Variants in ZNF385D observed in about 807,000 individuals in gnomAD.
The protein encoded by ZNF385D is zinc finger protein 385D.
Under a neutral mutation model 35.8 loss-of-function variants are expected in ZNF385D, and 15 were observed. The observed-to-expected ratio is 0.42, with a 90% CI of 0.28 to 0.64. ZNF385D has a LOEUF of 0.64. ZNF385D is among the 30% of genes least tolerant of loss of function. The pLI, the probability that ZNF385D is intolerant of heterozygous loss-of-function variation, is 0.23. For synonymous variants in ZNF385D, 212 were observed against 186.8 expected (o/e 1.13, Z -1.10); for missense variants, 474 against 494.6 (o/e 0.96, Z 0.39).
chr3:21,912,685 C>T (rs1321493567), intron 3 of ZNF385D, among the ~76,000 whole-genome samples: 1 of 152,008 alleles, frequency 6.6e-6, no homozygotes, highest in Non-Finnish European at 1.5e-5. Flanking sequence ...TTTCCCCATC[C>T]TTTTGAAATT....
At chr3:22,269,459 T>A (rs968732215) in intron 2 of ZNF385D, among the ~76,000 whole-genome samples, 7 of 151,894 alleles carry the variant, frequency 4.6e-5, no homozygotes, top group East Asian at 1.9e-4. Flanking sequence ...TAAATGCATA[T>A]CTTTCCAGGG....
At position 21,539,593 on chromosome 3, in the gene ZNF385D, T is replaced by C. The variant is rs1426728784; in HGVS notation, c.276+24981A>G. Among the ~76,000 whole-genome samples, 2 of 152,156 alleles carry C rather than the reference T, an allele frequency of 1.3e-5. No homozygotes were observed. The highest frequency in any genetic ancestry group is 4.8e-5 in the African/African-American group (2 of 41,466). Reference sequence around the variant, plus strand: ...AATGTTAAAATGATTCTCTAAATTATTGTTTCAGATTTTATAAAGTGATAA... The same window carrying C: ...AATGTTAAAATGATTCTCTAAATTACTGTTTCAGATTTTATAAAGTGATAA... On this transcript the variant is annotated intron_variant, in intron 3 of 7. Coordinates refer to ENST00000281523, the MANE Select transcript of ZNF385D (RefSeq NM_024697.3). The surrounding 1 kb of genome is among the most constrained non-coding windows in gnomAD (Gnocchi z 4.0).
chr3:22,322,745 G>T (rs982978222), intron 2 of ZNF385D, among the ~76,000 whole-genome samples: 1 of 152,010 alleles, frequency 6.6e-6, no homozygotes, highest in African/African-American at 2.4e-5. Flanking sequence ...TCCTCTGTAT[G>T]TTTCTACCTT....
chr3:22,008,523 A>AT (rs1031616849), intron 3 of ZNF385D, among the ~76,000 whole-genome samples: 3 of 151,966 alleles, frequency 2.0e-5, no homozygotes, highest in South Asian at 2.1e-4. Flanking sequence ...CTCCCTGCTA[A>AT]TTTTTTGTAT....
intron 3 of ZNF385D, among the ~76,000 whole-genome samples, chr3:21,969,472 G>A (rs944044055): frequency 2.1e-4 from 32 of 152,284 alleles, no homozygotes; most frequent in African/African-American, 7.7e-4. Context: ...GCCATGCTGA[G>A]CTGTGAGTCA....
rs142250335 is a variant in ZNF385D at position 21,744,530 on chromosome 3, G to A, written c.22+6365C>T. 3.2e-3 allele frequency among the ~76,000 whole-genome samples: 489 copies of A among 152,298 alleles called. 1 individual carries two copies. The highest frequency in any genetic ancestry group is 5.6e-3 in the Non-Finnish European group (379 of 68,028). On this transcript the variant is annotated intron_variant, in intron 1 of 7. Transcript: ENST00000281523. ...ATTTTCAGCTACTTGTGCATATAGG[G>A]TCTTTTATGCCCATCCCAGCCTGCT... is the stretch of plus-strand genomic sequence containing the variant.
chr3:22,139,057 A>G (rs1704330631), intron 3 of ZNF385D, among the ~76,000 whole-genome samples: 1 of 151,990 alleles, frequency 6.6e-6, no homozygotes, highest in Admixed American at 6.6e-5. Context: ...GCCAACAGAC[A>G]CAATGAGATA....
At chr3:22,369,425 T>C (rs1453532010) in intron 2 of ZNF385D, among the ~76,000 whole-genome samples, 1 of 152,170 alleles carries the variant, frequency 6.6e-6, no homozygotes, top group Admixed American at 6.5e-5. Context: ...TTTAATACTC[T>C]TCTAAGGTTA....
chr3:22,270,489 C>T (rs1436930177), intron 2 of ZNF385D, among the ~76,000 whole-genome samples: 1 of 151,770 alleles, frequency 6.6e-6, no homozygotes, highest in African/African-American at 2.4e-5. Flanking sequence ...GAGCTTACTC[C>T]CTGTTGGATA....
chr3:22,023,210 G>A (rs962893084), intron 3 of ZNF385D, among the ~76,000 whole-genome samples: 4 of 152,104 alleles, frequency 2.6e-5, no homozygotes, highest in Non-Finnish European at 4.4e-5. Flanking sequence ...GATTGCAAGG[G>A]ATTAAAACAA....
intron 3 of ZNF385D, among the ~76,000 whole-genome samples, chr3:22,002,285 G>A (rs144724521): frequency 3.8e-4 from 57 of 151,826 alleles, no homozygotes; most frequent in African/African-American, 1.1e-3. Flanking sequence ...ACAGAAATAC[G>A]AAGAAACATT....
At chr3:22,194,679 C>T (rs1422330675) in intron 2 of ZNF385D, among the ~76,000 whole-genome samples, 1 of 151,908 alleles carries the variant, frequency 6.6e-6, no homozygotes, top group Non-Finnish European at 1.5e-5. Context: ...ACCCTTTTTA[C>T]ACCTGGCAAT....
At chr3:22,156,770 A>G (rs546253748) in intron 3 of ZNF385D, among the ~76,000 whole-genome samples, 2 of 152,182 alleles carry the variant, frequency 1.3e-5, no homozygotes, top group East Asian at 3.9e-4. Flanking sequence ...ACTCCCATTT[A>G]AAGGACCGAA....
At chr3:21,680,476 G>A (rs907724800) in intron 1 of ZNF385D, among the ~76,000 whole-genome samples, 2 of 152,156 alleles carry the variant, frequency 1.3e-5, no homozygotes, top group African/African-American at 4.8e-5. Context: ...GTAATAAAAA[G>A]ACATTGGTAG....
At chr3:21,896,336 T>A (rs569613691) in intron 3 of ZNF385D, among the ~76,000 whole-genome samples, 6 of 152,170 alleles carry the variant, frequency 3.9e-5, no homozygotes, top group Admixed American at 3.3e-4. Flanking sequence ...TATATTTTAA[T>A]AGATACTTAC....
chr3:21,816,612 G>A (rs1049602113), intron 3 of ZNF385D, among the ~76,000 whole-genome samples: 21 of 152,210 alleles, frequency 1.4e-4, no homozygotes, highest in African/African-American at 4.8e-4. Context: ...AGATACCTAG[G>A]AATCCAACTT....
intron 3 of ZNF385D, among the ~76,000 whole-genome samples, chr3:21,868,692 T>C (rs573708956): frequency 3.1e-4 from 47 of 152,274 alleles, no homozygotes; most frequent in African/African-American, 7.7e-4. Context: ...CAATTAAACA[T>C]GTAAAGCGTA....
rs186248050 is a variant in ZNF385D at position 22,064,579 on chromosome 3, A to C, written c.325+104238T>G. On this transcript the variant is annotated intron_variant, in intron 3 of 5. Coordinates refer to the ZNF385D transcript ENST00000494108. Reference sequence around the variant, plus strand: ...TGAACAGATAAAGAAAATGGGGTACATATCCACAATGGATTGCTATTCAAC... The same window carrying C: ...TGAACAGATAAAGAAAATGGGGTACCTATCCACAATGGATTGCTATTCAAC... 1.2e-3 allele frequency among the ~76,000 whole-genome samples: 185 copies of C among 152,340 alleles called. 2 individuals are homozygous for C. The highest frequency in any genetic ancestry group is 3.4e-3 in the Middle Eastern group (1 of 294).
At chr3:22,062,045 A>T (rs1261495323) in intron 3 of ZNF385D, among the ~76,000 whole-genome samples, 1 of 152,048 alleles carries the variant, frequency 6.6e-6, no homozygotes, top group African/African-American at 2.4e-5. Context: ...ATTTAATTTT[A>T]ATTTATTTTT....
Sources: allele counts gnomAD v4.1 joint callset (sites outside exome capture counted in the v4.1 genomes callset), GRCh38; gene constraint gnomAD v4.1.1; non-coding constraint Gnocchi (gnomAD v3.1); transcripts MANE v1.5; gene names NCBI Gene and HGNC (gene_info 2026-07-23, HGNC 2026-07-21).